The following HAVCR1 variants were observed in gnomAD, a reference collection of about 807,000 sequenced individuals.
The protein encoded by HAVCR1 is T cell immunoglobin domain and mucin domain protein 1.
HAVCR1 carries 34 observed loss-of-function variants against 32.0 expected under a neutral mutation model. The observed-to-expected ratio is 1.06, with a 90% CI of 0.81 to 1.42. The LOEUF is 1.42. HAVCR1 is among the 40% of genes most tolerant of loss of function. HAVCR1 has a pLI of 0.00. For synonymous variants in HAVCR1, 178 were observed against 170.3 expected, an observed-to-expected ratio of 1.05 and a Z score of -0.35; for missense variants, 420 against 442.3, an observed-to-expected ratio of 0.95 and a Z score of 0.45.
intron 4 of HAVCR1, among the ~76,000 whole-genome samples, chr5:157,050,228 G>A (rs1178730373): frequency 2.0e-5 from 3 of 152,116 alleles, no homozygotes; most frequent in South Asian, 2.1e-4. Context: ...CTCTCTTTCG[G>A]AACGAAAAAC....
chr5:157,050,744 CAGACTCTCT>C (rs1192181668), intron 4 of HAVCR1, among the ~76,000 whole-genome samples: 1 of 152,204 alleles, frequency 6.6e-6, no homozygotes, highest in East Asian at 1.9e-4. Context: ...GAAAGTCTAA[CAGACTCTCT>C]AGTGTGTGCG....
At chr5:157,056,077 G>A (rs1756119264) in intron 2 of HAVCR1, among the ~76,000 whole-genome samples, 1 of 151,812 alleles carries the variant, frequency 6.6e-6, no homozygotes, top group Admixed American at 6.6e-5. Flanking sequence ...AGCCTCCCAA[G>A]TAGCTGGGAT....
upstream of HAVCR1, among the ~76,000 whole-genome samples, chr5:157,061,919 A>G (rs76038918): frequency 0.034 from 5,195 of 152,292 alleles, 139 homozygotes; most frequent in South Asian, 0.049. Flanking sequence ...GAGATGTTAC[A>G]TAACTGTACA....
chr5:157,040,035 G>C (rs117910575), intron 6 of HAVCR1, among the ~76,000 whole-genome samples: 1 of 152,180 alleles, frequency 6.6e-6, no homozygotes, highest in East Asian at 1.9e-4. Context: ...GGTAGCTCAC[G>C]TCTGTGGAAT....
At chr5:157,062,853 C>T (rs959822920), upstream of HAVCR1, among the ~76,000 whole-genome samples, 9 of 152,014 alleles carry the variant, frequency 5.9e-5, no homozygotes, top group African/African-American at 2.2e-4. Context: ...AGTATGGTGG[C>T]TCACACCTGT....
At chr5:157,039,398 G>T (rs531869026) in intron 6 of HAVCR1, among the ~76,000 whole-genome samples, 3 of 152,180 alleles carry the variant, frequency 2.0e-5, no homozygotes, top group Non-Finnish European at 4.4e-5. Context: ...GCCCAGGCTG[G>T]AGTACAGTGG....
chr5:157,063,166 A>T (rs1756525860), upstream of HAVCR1, among the ~76,000 whole-genome samples: 1 of 146,080 alleles, frequency 6.8e-6, no homozygotes, highest in African/African-American at 2.5e-5. Flanking sequence ...AATATATAAA[A>T]ATACCAAAAG....
chr5:157,029,856 G>T lies in HAVCR1; in HGVS notation c.987-15C>A. ...TAAATGAAACACTGTAGAAAGAGTT[G>T]TTGAAGAATAACATGAGTAAGAAAA... is the stretch of plus-strand genomic sequence containing the variant. On this transcript the variant is annotated splice_polypyrimidine_tract_variant and intron_variant, in intron 8 of 8. Transcript: ENST00000523175. 1 of 1,606,428 alleles carries T rather than the reference G, an allele frequency of 6.2e-7. No homozygotes were observed. The highest frequency in any genetic ancestry group is 8.5e-7 in the Non-Finnish European group (1 of 1,175,372).
At chr5:157,063,288 T>C, upstream of HAVCR1, among the ~76,000 whole-genome samples, 1 of 149,130 alleles carries the variant, frequency 6.7e-6, no homozygotes, top group Non-Finnish European at 1.5e-5. Flanking sequence ...AACTTACATT[T>C]TTTTTTTTTT....
At chr5:157,039,489 C>T (rs1754734948) in intron 6 of HAVCR1, among the ~76,000 whole-genome samples, 1 of 152,264 alleles carries the variant, frequency 6.6e-6, no homozygotes, top group Admixed American at 6.5e-5. Context: ...GCTGGGATTA[C>T]AGGCACCCGC....
chr5:157,067,744 A>G, the HAVCR1 span, among the ~76,000 whole-genome samples: 1 of 152,050 alleles, frequency 6.6e-6, no homozygotes, highest in Non-Finnish European at 1.5e-5. Context: ...GCTGGAGTGC[A>G]ATGGCTCGAT....
At chr5:157,056,712 C>T (rs1756177856) in intron 2 of HAVCR1, among the ~76,000 whole-genome samples, 1 of 151,890 alleles carries the variant, frequency 6.6e-6, no homozygotes, top group Non-Finnish European at 1.5e-5. Flanking sequence ...TTGCCTAATA[C>T]TAGTATCATT....
At chr5:157,057,437 A>AAGAG (rs1756261857) in intron 2 of HAVCR1, among the ~76,000 whole-genome samples, 1 of 141,600 alleles carries the variant, frequency 7.1e-6, no homozygotes, top group South Asian at 2.2e-4. Flanking sequence ...GAAAGAAAGA[A>AAGAG]AGAAAGAAAG....
upstream of HAVCR1, among the ~76,000 whole-genome samples, chr5:157,060,550 C>T (rs1283009352): frequency 1.3e-5 from 2 of 152,108 alleles, no homozygotes; most frequent in Admixed American, 6.6e-5. Context: ...ATCTTGTTTT[C>T]CTTAATCCAT....
chr5:157,039,554 G>A (rs1305852573), intron 6 of HAVCR1, among the ~76,000 whole-genome samples: 1 of 152,036 alleles, frequency 6.6e-6, no homozygotes. Context: ...TCATCATATT[G>A]GTCAGGCTGG....
At chr5:157,061,377 G>C (rs920110968), upstream of HAVCR1, among the ~76,000 whole-genome samples, 1 of 152,104 alleles carries the variant, frequency 6.6e-6, no homozygotes, top group Non-Finnish European at 1.5e-5. Context: ...TAGTGACTGT[G>C]TTGTGTGGCA....
At chr5:157,050,275 C>G (rs1755660449) in intron 4 of HAVCR1, among the ~76,000 whole-genome samples, 1 of 152,114 alleles carries the variant, frequency 6.6e-6, no homozygotes, top group African/African-American at 2.4e-5. Context: ...CAGTCTGTAC[C>G]CAATTGAGTT....
intron 7 of HAVCR1, among the ~76,000 whole-genome samples, chr5:157,036,778 C>G (rs1490950990): frequency 6.6e-6 from 1 of 152,138 alleles, no homozygotes; most frequent in Non-Finnish European, 1.5e-5. Context: ...CTCAAGCAAT[C>G]CTCCTGCCTC....
At chr5:157,055,128 A>G (rs753111667) in intron 3 of HAVCR1, 73 bp downstream of exon 3, 2 of 793,022 alleles carry the variant, frequency 2.5e-6, no homozygotes, top group Non-Finnish European at 4.1e-6. Context: ...CTCTTTCCCT[A>G]TTAAGAAAAA....
Sources: gnomAD v4.1 joint callset for allele counts (sites outside exome capture counted in the v4.1 genomes callset) on GRCh38, gnomAD v4.1.1 for gene constraint, MANE v1.5 for transcripts, NCBI Gene and HGNC (gene_info 2026-07-23, HGNC 2026-07-21) for gene names.